The following TSPAN9 variants were observed in gnomAD, a reference collection of about 807,000 sequenced individuals.
TSPAN9 encodes tetraspanin-9.
A neutral mutation model predicts 31.0 loss-of-function variants in TSPAN9; 16 were observed. The observed-to-expected ratio is 0.52, with a 90% CI of 0.35 to 0.78. The LOEUF is 0.78. TSPAN9 is among the 30% of genes least tolerant of loss of function. The probability of loss-of-function intolerance (pLI) is 0.01; values close to 1 mark genes in which losing one functional copy is unlikely to be tolerated. For synonymous variants in TSPAN9, 145 were observed against 121.6 expected (o/e 1.19, Z -1.27); for missense variants, 272 against 312.5 (o/e 0.87, Z 0.98).
chr12:3,212,691 A>C (rs1441819487), intron 3 of TSPAN9, among the ~76,000 whole-genome samples: 1 of 152,148 alleles, frequency 6.6e-6, no homozygotes, highest in East Asian at 1.9e-4. Context: ...AGGATGGAGG[A>C]GCCCGCTAGC....
chr12:3,090,578 C>T (rs932861758), intron 2 of TSPAN9, among the ~76,000 whole-genome samples: 1 of 152,264 alleles, frequency 6.6e-6, no homozygotes, highest in African/African-American at 2.4e-5. Context: ...TGAAGCCTCA[C>T]ACACGCATTG....
At chr12:3,206,407 G>A (rs1351160994) in intron 3 of TSPAN9, 3 of 455,490 alleles carry the variant, frequency 6.6e-6, no homozygotes, top group South Asian at 4.6e-5. Flanking sequence ...ACACAGGGCT[G>A]TCAAGGGAGA....
At chr12:3,209,435 G>T (rs888493598) in intron 3 of TSPAN9, among the ~76,000 whole-genome samples, 3 of 152,042 alleles carry the variant, frequency 2.0e-5, no homozygotes, top group Admixed American at 2.0e-4. Context: ...AAACATTCTC[G>T]TATAAGTCTT....
Position 3,170,479 on chromosome 12 carries a change from A to G in TSPAN9, c.-17-30698A>G, listed in dbSNP as rs1430436415. Among the ~76,000 whole-genome samples, 1 of 152,174 alleles carries G rather than the reference A, an allele frequency of 6.6e-6. No homozygotes were observed. Reference sequence around the variant, plus strand: ...ACCTTATAATTAAAAGACTTTTAGAAGCAGAGATTTTGTTTTTCTGTTCCT... The same window carrying G: ...ACCTTATAATTAAAAGACTTTTAGAGGCAGAGATTTTGTTTTTCTGTTCCT... On this transcript the variant is annotated intron_variant, in intron 2 of 8. Coordinates refer to ENST00000011898, the MANE Select transcript of TSPAN9 (RefSeq NM_006675.5). This position sits in a 1 kb window ranked among gnomAD's most constrained non-coding sequence, Gnocchi z 4.4.
chr12:3,221,352 ATTTTTCTCTTT>A lies in TSPAN9; in HGVS notation c.63+20102_63+20112del, dbSNP rs2098384438. Among the ~76,000 whole-genome samples, 3 of 131,646 alleles carry A rather than the reference ATTTTTCTCTTT, an allele frequency of 2.3e-5. No homozygotes were observed. The Admixed American group carries it at 2.4e-4, about 10-fold the overall frequency. 86.4% of individuals were successfully genotyped at this position (131,646 alleles called of 152,430 possible). A position where few individuals can be genotyped will look rare whatever the true frequency, so the allele number is the denominator to read the frequency against. On this transcript the variant is annotated intron_variant, in intron 3 of 8. Transcript: ENST00000011898. ...AGATAAGTTATTTTTTATTTAAAATATTTTTCTCTTTTTTTTTTTTTTTTAGATGAAGTCTC... is the reference window on the plus strand; with the variant it reads ...AGATAAGTTATTTTTTATTTAAAATATTTTTTTTTTTTTAGATGAAGTCTC...
intron 3 of TSPAN9, among the ~76,000 whole-genome samples, chr12:3,229,493 G>C (rs10774132): frequency 1 from 151,806 of 152,370 alleles, 75,624 homozygotes; most frequent in East Asian, 1. Flanking sequence ...CTCCCTTGTC[G>C]TCCCAGGATC....
chr12:3,274,194 A>G lies in TSPAN9; in HGVS notation c.64-4227A>G, dbSNP rs7973717. 3.2e-3 allele frequency among the ~76,000 whole-genome samples: 493 copies of G among 152,184 alleles called. 1 individual carries two copies. Among genetic ancestry groups the G allele is most frequent in the African/African-American group, 0.011 (462 of 41,556 alleles). ...AGCCCCTCCCATTGTGGCAACCAAA[A>G]ACGTCCCCAGACATGCCACATGTTC... On this transcript the variant is annotated intron_variant, in intron 3 of 8. Transcript: ENST00000011898.
rs561614271 is a variant in TSPAN9, at chr12:3,109,178, C to T, written c.-18+25459C>T. On this transcript the variant is annotated intron_variant, in intron 2 of 8. Coordinates refer to ENST00000011898, the MANE Select transcript of TSPAN9 (RefSeq NM_006675.5). ...GTCTCGATCTCCTGACCTCGTGATC[C>T]GCCCGCCTTGGCCTCCCAGAGTGCT... Among the ~76,000 whole-genome samples, 26 of 151,642 alleles carry T rather than the reference C, an allele frequency of 1.7e-4. No individual in the cohort carries two copies. In the South Asian group the frequency reaches 2.7e-3, roughly 16 times the overall value.
At chr12:3,248,937 C>A (rs1237986572) in intron 3 of TSPAN9, among the ~76,000 whole-genome samples, 1 of 152,226 alleles carries the variant, frequency 6.6e-6, no homozygotes, top group East Asian at 1.9e-4. Flanking sequence ...TGCCCCCCTC[C>A]GTACCCATGC....
Position 3,283,087 on chromosome 12 carries a change from C to T in TSPAN9, c.691C>T (p.His231Tyr). Residue 231 changes from histidine (H) to tyrosine (Y), a missense_variant, in exon 9 of 9, where the codon CAC (histidine) becomes TAC (tyrosine). His to Tyr is a moderately conservative substitution (Grantham distance 83). Coordinates refer to ENST00000011898, the MANE Select transcript of TSPAN9 (RefSeq NM_006675.5). ...CTCCATGACCCTCTTCCAGCACATC[C>T]ACCGGACTGGTAAGAAGTACGACGC... is the stretch of plus-strand genomic sequence containing the variant. ...AFSMTLFQHIHRTGKKYDA is the reference protein window; with the variant it reads ...AFSMTLFQHIYRTGKKYDA 2 of 1,609,750 alleles carry T rather than the reference C, an allele frequency of 1.2e-6. No homozygotes were observed. Among genetic ancestry groups the T allele is most frequent in the Non-Finnish European group, 8.5e-7 (1 of 1,179,998 alleles).
intron 2 of TSPAN9, among the ~76,000 whole-genome samples, chr12:3,118,252 C>T (rs532280977): frequency 1.3e-4 from 5 of 38,838 alleles, no homozygotes; most frequent in Non-Finnish European, 3.2e-4. Flanking sequence ...CCCCTGCACC[C>T]GCCGTTTTTT....
intron 2 of TSPAN9, among the ~76,000 whole-genome samples, chr12:3,181,774 TCTTA>T (rs548348477): frequency 1.3e-5 from 2 of 152,128 alleles, no homozygotes; most frequent in Non-Finnish European, 2.9e-5. Context: ...CTGCACTGCC[TCTTA>T]CTTTCTGTGA....
At chr12:3,223,495 C>T (rs1269382325) in intron 3 of TSPAN9, among the ~76,000 whole-genome samples, 1 of 152,210 alleles carries the variant, frequency 6.6e-6, no homozygotes, top group African/African-American at 2.4e-5. Flanking sequence ...ATGCCGTTTG[C>T]TGCAAGGATG....
chr12:3,186,609 T>C (rs1355600838), intron 2 of TSPAN9, among the ~76,000 whole-genome samples: 2 of 91,238 alleles, frequency 2.2e-5, no homozygotes, highest in African/African-American at 3.5e-5. Context: ...AACTTTGTCT[T>C]TTTCTTTGAG....
chr12:3,278,752 C>A, intron 4 of TSPAN9, 140 bp downstream of exon 4: 1 of 1,203,218 alleles, frequency 8.3e-7, no homozygotes, highest in Non-Finnish European at 1.1e-6. Context: ...ACGTTCTAGG[C>A]TTGACCACAC....
chr12:3,109,982 A>G (rs968514879), intron 2 of TSPAN9, among the ~76,000 whole-genome samples: 19 of 152,116 alleles, frequency 1.2e-4, no homozygotes, highest in African/African-American at 4.3e-4. Flanking sequence ...CAAAAGGCTT[A>G]GCAATCTGCA....
intron 3 of TSPAN9, among the ~76,000 whole-genome samples, chr12:3,217,251 G>C (rs925385440): frequency 1.3e-5 from 2 of 152,210 alleles, no homozygotes; most frequent in Non-Finnish European, 2.9e-5. Flanking sequence ...AGGGGCTGAG[G>C]TGTAGCATCC....
chr12:3,255,395 A>G (rs1862327083), intron 3 of TSPAN9, among the ~76,000 whole-genome samples: 1 of 152,184 alleles, frequency 6.6e-6, no homozygotes, highest in South Asian at 2.1e-4. Flanking sequence ...ACATCACGTA[A>G]TGGGAGCAGC....
At chr12:3,199,620 C>A (rs1298252712) in intron 2 of TSPAN9, among the ~76,000 whole-genome samples, 1 of 152,236 alleles carries the variant, frequency 6.6e-6, no homozygotes, top group Non-Finnish European at 1.5e-5. Flanking sequence ...GTCCACCTGT[C>A]CCTGTCAGCC....
Sources: allele counts gnomAD v4.1 joint callset (sites outside exome capture counted in the v4.1 genomes callset), GRCh38; gene constraint gnomAD v4.1.1; non-coding constraint Gnocchi (gnomAD v3.1); transcripts MANE v1.5; gene names NCBI Gene and HGNC (gene_info 2026-07-23, HGNC 2026-07-21).